The following UBXN11 variants were observed in gnomAD, a reference collection of about 807,000 sequenced individuals.
The protein encoded by UBXN11 is UBX domain-containing protein 11.
In UBXN11, 47 loss-of-function variants were observed where a neutral mutation model predicts 62.8. The ratio of observed to expected loss-of-function variants is 0.75; its 90% CI spans 0.59 to 0.95. The LOEUF is 0.95. UBXN11 is among the 40% of genes least tolerant of loss of function. The probability of loss-of-function intolerance (pLI) is 0.00; values close to 1 mark genes in which losing one functional copy is unlikely to be tolerated. For synonymous variants in UBXN11, 294 were observed against 267.0 expected (o/e 1.10, Z -0.99); for missense variants, 638 against 661.7 (o/e 0.96, Z 0.39).
At chr1:26,294,139 C>T in intron 8 of UBXN11, 66 bp downstream of exon 8, 3 of 1,589,706 alleles carry the variant, frequency 1.9e-6, no homozygotes, top group African/African-American at 1.3e-5. Flanking sequence ...TGGGGAGCTG[C>T]CGGCCAACAG....
At chr1:26,291,572 G>T (rs61371513) in intron 8 of UBXN11, among the ~76,000 whole-genome samples, 22,258 of 152,166 alleles carry the variant, frequency 0.15, 1,831 homozygotes, top group African/African-American at 0.21. Flanking sequence ...CTGGCAAGGA[G>T]CAAGGAGGTC....
intron 7 of UBXN11, 44 bp from the exon 8 acceptor site, chr1:26,294,375 C>G: frequency 6.2e-7 from 1 of 1,604,454 alleles, no homozygotes; most frequent in Non-Finnish European, 8.5e-7. Context: ...TCAGCTCAGC[C>G]CCTTCCCAGG....
chr1:26,289,102 C>G (rs562851144), intron 8 of UBXN11, among the ~76,000 whole-genome samples: 21 of 152,330 alleles, frequency 1.4e-4, no homozygotes, highest in Admixed American at 3.9e-4. Context: ...ACTTAGCACC[C>G]AGCCAACCCT....
At chr1:26,301,797 G>A in intron 2 of UBXN11, 75 bp from the exon 3 acceptor site, 1 of 1,580,344 alleles carries the variant, frequency 6.3e-7, no homozygotes, top group East Asian at 2.3e-5. Context: ...AAGGCTCTGG[G>A]CACCGGACTT....
chr1:26,309,935 AG>A (rs2073724407), upstream of UBXN11, among the ~76,000 whole-genome samples: 1 of 152,184 alleles, frequency 6.6e-6, no homozygotes, highest in South Asian at 2.1e-4. Context: ...GCTCCTGAAA[AG>A]GTGTTCTTCT....
intron 4 of UBXN11, among the ~76,000 whole-genome samples, chr1:26,300,054 T>C (rs1240313494): frequency 6.6e-6 from 1 of 152,174 alleles, no homozygotes; most frequent in Non-Finnish European, 1.5e-5. Context: ...ATCTTGGCTT[T>C]GTGGTGAAAT....
chr1:26,315,154 A>G (rs906818731), intron 1 of UBXN11, among the ~76,000 whole-genome samples: 2 of 152,184 alleles, frequency 1.3e-5, no homozygotes, highest in Non-Finnish European at 2.9e-5. Flanking sequence ...AAATACATGG[A>G]CTGTAGAAGA....
At chr1:26,302,393 A>G (rs1003518108) in intron 2 of UBXN11, among the ~76,000 whole-genome samples, 1 of 134,204 alleles carries the variant, frequency 7.5e-6, no homozygotes, top group Non-Finnish European at 1.6e-5. Flanking sequence ...AAAAAAAAAG[A>G]CTCAAAGTGG....
rs369226820 is a variant in UBXN11, at chr1:26,282,320, T to G, written c.1542A>C (p.Gly514=). The G allele has an allele frequency of 1.8e-4, 240 of 1,366,304 alleles. 2 individuals carry two copies. Among genetic ancestry groups the G allele is most frequent in the Admixed American group, 3.0e-4 (9 of 29,596 alleles). 84.6% of individuals were successfully genotyped at this position (1,366,304 alleles called of 1,614,324 possible). ...TGCTTTATTGGGGGCTGGGACTGGG[T>G]CCAGGACAGGGACTGGGGCCGGGAC... is the stretch of plus-strand genomic sequence containing the variant. ...GPGPGPSPCP[G]PSPSPQ is the part of the protein sequence containing the mutation. Residue 514 remains glycine (G), a synonymous_variant, in exon 15 of 15, where the codon GGA becomes GGC. Coordinates refer to ENST00000374222, the MANE Select transcript of UBXN11 (RefSeq NM_001389556.1).
At chr1:26,298,123 G>T in intron 4 of UBXN11, 61 bp from the exon 5 acceptor site, 2 of 1,537,562 alleles carry the variant, frequency 1.3e-6, no homozygotes, top group Non-Finnish European at 1.8e-6. Context: ...TTGTGGGGGG[G>T]AGGGAGGAGG....
chr1:26,290,515 G>A (rs756467303), intron 8 of UBXN11, among the ~76,000 whole-genome samples: 10 of 152,156 alleles, frequency 6.6e-5, no homozygotes, highest in African/African-American at 1.4e-4. Context: ...CGGGCAAGGC[G>A]CTCTGTGGGG....
intron 8 of UBXN11, among the ~76,000 whole-genome samples, chr1:26,286,990 C>T (rs759401435): frequency 1.8e-4 from 28 of 152,152 alleles, no homozygotes; most frequent in Non-Finnish European, 2.9e-4. Context: ...TGAGCCACCA[C>T]GCCAGGCTGA....
At chr1:26,306,824 C>CG (rs1344172803), upstream of UBXN11, 130 of 5,144 alleles carry the variant, frequency 0.025, 10 homozygotes, top group African/African-American at 0.071. Context: ...AGGTCCGGGG[C>CG]GGGGTGGGGG....
chr1:26,318,263 A>G (rs2073818618), exon 1 of UBXN11: 4 of 588,582 alleles, frequency 6.8e-6, no homozygotes, highest in Non-Finnish European at 1.2e-5. Flanking sequence ...CTGGGGCTGC[A>G]CTGCTTGCGG....
chr1:26,285,789 A>G (rs764226585), intron 9 of UBXN11, 34 bp downstream of exon 9: 5 of 1,565,560 alleles, frequency 3.2e-6, no homozygotes, highest in Admixed American at 1.7e-5. Flanking sequence ...CAGCAGGGGC[A>G]CTAGAGCACC....
intron 8 of UBXN11, among the ~76,000 whole-genome samples, chr1:26,292,528 G>GA (rs1203593546): frequency 6.6e-6 from 1 of 151,486 alleles, no homozygotes; most frequent in Non-Finnish European, 1.5e-5. Flanking sequence ...AAAATAAAAA[G>GA]AAAAATAAAG....
intron 12 of UBXN11, among the ~76,000 whole-genome samples, 187 bp downstream of exon 12, chr1:26,283,955 T>C (rs1044706339): frequency 6.6e-6 from 1 of 152,204 alleles, no homozygotes. Context: ...ACCCACCTGC[T>C]TTCCGGGGCC....
upstream of UBXN11, among the ~76,000 whole-genome samples, chr1:26,307,782 C>T (rs1181535097): frequency 6.6e-6 from 1 of 152,052 alleles, no homozygotes; most frequent in African/African-American, 2.4e-5. Flanking sequence ...TGCACAACAA[C>T]GCCCAGCTAG....
intron 9 of UBXN11, 121 bp downstream of exon 9, chr1:26,285,702 G>A: frequency 2.1e-6 from 3 of 1,403,858 alleles, no homozygotes; most frequent in Middle Eastern, 2.6e-4. Flanking sequence ...TGCAAGTCGT[G>A]TGTGGGCCTG....
Sources: allele counts gnomAD v4.1 joint callset (sites outside exome capture counted in the v4.1 genomes callset), GRCh38; gene constraint gnomAD v4.1.1; transcripts MANE v1.5; gene names NCBI Gene and HGNC (gene_info 2026-07-23, HGNC 2026-07-21).